ESRRG: variants seen among roughly 807,000 people sequenced by gnomAD.
ESRRG encodes the protein estrogen-related receptor gamma.
A neutral mutation model predicts 44.0 loss-of-function variants in ESRRG; 13 were observed. The ratio of observed to expected loss-of-function variants is 0.30; its 90% CI spans 0.19 to 0.47. ESRRG has a LOEUF of 0.47. Among genes scored for constraint, ESRRG ranks in the 20% least tolerant of loss-of-function variants. ESRRG has a pLI of 1.00. For synonymous variants in ESRRG, 215 were observed against 214.6 expected, an observed-to-expected ratio of 1.00 and a Z score of -0.02; for missense variants, 395 against 580.6, an observed-to-expected ratio of 0.68 and a Z score of 3.29.
intron 2 of ESRRG, among the ~76,000 whole-genome samples, chr1:216,916,914 G>A (rs1359123536): frequency 9.0e-6 from 1 of 111,712 alleles, no homozygotes; most frequent in African/African-American, 3.6e-5. Context: ...AAAACTCAGT[G>A]GTTATAAACA....
intron 1 of ESRRG, among the ~76,000 whole-genome samples, chr1:217,123,961 AAAGCAATCTCCTGGAAT>A (rs2092857977): frequency 6.6e-6 from 1 of 152,226 alleles, no homozygotes; most frequent in African/African-American, 2.4e-5. Context: ...GACTAGTCTC[AAAGCAATCTCCTGGAAT>A]AAGCTTTCTC....
chr1:216,778,731 T>G (rs1027544125), intron 2 of ESRRG, among the ~76,000 whole-genome samples: 8 of 151,974 alleles, frequency 5.3e-5, no homozygotes, highest in African/African-American at 1.9e-4. Flanking sequence ...TTAGAAATAG[T>G]AAGCCTTCCT....
rs562761220 is a variant in ESRRG at position 216,827,410 on chromosome 1, A to G, written c.-14+112172T>C. ...TGTCTTCTGATTTCTAGCATCTGAC[A>G]ATAACTGCAGGGAATGCTGAGATAA... On this transcript the variant is annotated intron_variant, in intron 2 of 7. Transcript: ENST00000359162. 1.2e-4 allele frequency among the ~76,000 whole-genome samples: 18 copies of G among 152,272 alleles called. No homozygotes were observed. The South Asian group carries it at 3.7e-3, about 32-fold the overall frequency.
intron 2 of ESRRG, among the ~76,000 whole-genome samples, chr1:216,818,799 T>G (rs1309004562): frequency 1.3e-5 from 2 of 152,102 alleles, no homozygotes; most frequent in Non-Finnish European, 1.5e-5. Flanking sequence ...CAGTGTGTGT[T>G]GTTCCCCCGA....
At chr1:216,595,277 CAT>C (rs1329798832) in intron 3 of ESRRG, among the ~76,000 whole-genome samples, 1 of 152,158 alleles carries the variant, frequency 6.6e-6, no homozygotes, top group East Asian at 1.9e-4. Flanking sequence ...ATCTAGTGCT[CAT>C]GGCACTCAGT....
chr1:216,788,431 G>C (rs1261307630), intron 2 of ESRRG, among the ~76,000 whole-genome samples: 3 of 152,090 alleles, frequency 2.0e-5, no homozygotes, highest in South Asian at 4.1e-4. Flanking sequence ...CTGGATGATA[G>C]CACATCTGCC....
chr1:217,021,297 G>T (rs2080282205), intron 1 of ESRRG, among the ~76,000 whole-genome samples: 1 of 152,102 alleles, frequency 6.6e-6, no homozygotes, highest in Non-Finnish European at 1.5e-5. Flanking sequence ...CATGACCTAA[G>T]GCAGCTGGCA....
At chr1:216,849,605 G>A (rs114278195) in intron 2 of ESRRG, among the ~76,000 whole-genome samples, 2,931 of 152,014 alleles carry the variant, frequency 0.019, 110 homozygotes, top group African/African-American at 0.068. Context: ...AAAAGGATTC[G>A]TCCTACTTCA....
intron 1 of ESRRG, among the ~76,000 whole-genome samples, chr1:217,077,179 T>C (rs1378769615): frequency 6.6e-6 from 1 of 152,234 alleles, no homozygotes; most frequent in East Asian, 1.9e-4. Context: ...TTACCCGTTT[T>C]TACATTCACT....
intron 1 of ESRRG, among the ~76,000 whole-genome samples, chr1:217,111,471 T>C (rs775110945): frequency 2.6e-5 from 4 of 152,172 alleles, no homozygotes; most frequent in Non-Finnish European, 5.9e-5. Context: ...GTTCACATGA[T>C]TTCAAAATTT....
chr1:216,742,809 A>G (rs2152240017), intron 2 of ESRRG, among the ~76,000 whole-genome samples: 1 of 152,274 alleles, frequency 6.6e-6, no homozygotes, highest in East Asian at 1.9e-4. Context: ...AAAACAAGTA[A>G]AAATGTTGAA....
chr1:216,542,677 T>C (rs1431747928), intron 5 of ESRRG, among the ~76,000 whole-genome samples: 3 of 152,054 alleles, frequency 2.0e-5, no homozygotes, highest in African/African-American at 7.2e-5. Context: ...AAGTTCTTAA[T>C]GACTCCAACT....
intron 5 of ESRRG, among the ~76,000 whole-genome samples, chr1:216,532,845 G>A (rs556671011): frequency 6.6e-5 from 10 of 152,136 alleles, no homozygotes; most frequent in Non-Finnish European, 1.2e-4. Context: ...AATAATACTT[G>A]ACGGGAACAA....
intron 1 of ESRRG, among the ~76,000 whole-genome samples, chr1:217,011,030 T>C (rs2078508747): frequency 1.3e-5 from 2 of 152,170 alleles, no homozygotes; most frequent in South Asian, 4.1e-4. Flanking sequence ...ACAAGCCACA[T>C]TAACTGCTTA....
chr1:217,125,180 T>A (rs1038036014), intron 1 of ESRRG, among the ~76,000 whole-genome samples: 3 of 152,174 alleles, frequency 2.0e-5, no homozygotes, highest in Non-Finnish European at 2.9e-5. Context: ...GGACTCCATT[T>A]TTATAATATA....
chr1:216,682,709 A>AGTGTGTGTGTGTGTGTGTGT (rs72420221), intron 1 of ESRRG, among the ~76,000 whole-genome samples: 6,483 of 144,562 alleles, frequency 0.045, 198 homozygotes, highest in Middle Eastern at 0.067. Flanking sequence ...AATACTCTAT[A>AGTGTGTGTGTGTGTGTGTGT]GTGTGTGTGT....
At chr1:216,793,413 T>C (rs2094380775) in intron 2 of ESRRG, among the ~76,000 whole-genome samples, 1 of 152,172 alleles carries the variant, frequency 6.6e-6, no homozygotes, top group African/African-American at 2.4e-5. Flanking sequence ...TCTTTCTCTG[T>C]CTCTCAGGTA....
intron 4 of ESRRG, among the ~76,000 whole-genome samples, chr1:216,566,197 A>C (rs2059655195): frequency 6.6e-6 from 1 of 152,184 alleles, no homozygotes; most frequent in South Asian, 2.1e-4. Flanking sequence ...TTTGTAGTAC[A>C]CAATCAGTCA....
chr1:216,737,043 T>C (rs2090042805), intron 2 of ESRRG, among the ~76,000 whole-genome samples: 1 of 152,212 alleles, frequency 6.6e-6, no homozygotes, highest in Non-Finnish European at 1.5e-5. Context: ...AAAAATCAAA[T>C]CCTGCAACAA....
Sources: gnomAD v4.1 joint callset for allele counts (sites outside exome capture counted in the v4.1 genomes callset) on GRCh38, gnomAD v4.1.1 for gene constraint, MANE v1.5 for transcripts, NCBI Gene and HGNC (gene_info 2026-07-23, HGNC 2026-07-21) for gene names.